TOP3A: variants seen among roughly 807,000 people sequenced by gnomAD.
The protein encoded by TOP3A is DNA topoisomerase 3-alpha.
In TOP3A, 64 loss-of-function variants were observed where a neutral mutation model predicts 111.3. The observed-to-expected ratio is 0.57, with a 90% confidence interval of 0.47 to 0.71. The LOEUF (loss-of-function observed/expected upper bound fraction) is 0.71. Among genes scored for constraint, TOP3A ranks in the 30% least tolerant of loss-of-function variants. The pLI is 0.00. For synonymous variants in TOP3A, 484 were observed against 485.1 expected (o/e 1.00, Z 0.03); for missense variants, 1,104 against 1,285.0 (o/e 0.86, Z 2.15).
At chr17:18,307,059 G>T in intron 3 of TOP3A, 93 bp from the exon 4 acceptor site, 1 of 851,784 alleles carries the variant, frequency 1.2e-6, no homozygotes, top group African/African-American at 1.7e-5. Flanking sequence ...GGTTCATGGT[G>T]TATCCCCAAA....
At position 18,305,152 on chromosome 17, in the gene TOP3A, G is replaced by A. The variant is rs761915745; in HGVS notation, c.459C>T (p.Gly153=). 3.7e-6 allele frequency: 6 copies of A among 1,613,964 alleles called. No homozygotes were observed. The highest frequency in any genetic ancestry group is 1.6e-4 in the Middle Eastern group (1 of 6,084). The change falls in exon 5 of 19, where the codon GGC becomes GGT. Residue 153 remains glycine (G), a synonymous_variant. Coordinates refer to ENST00000321105, the MANE Select transcript of TOP3A (RefSeq NM_004618.5). The part of the protein sequence containing the change: ...LVIWTDCDRE[G]ENIGFEIIHV... ...GGATAATCTCAAACCCGATGTTTTCGCCTTCTCTATCACAGTCAGTCCAGA... is the reference window on the plus strand; with the variant it reads ...GGATAATCTCAAACCCGATGTTTTCACCTTCTCTATCACAGTCAGTCCAGA...
At chr17:18,298,154 C>T (rs1367793226) in intron 9 of TOP3A, among the ~76,000 whole-genome samples, 1 of 151,554 alleles carries the variant, frequency 6.6e-6, no homozygotes, top group Non-Finnish European at 1.5e-5. Flanking sequence ...TGGCAACCAC[C>T]CCGTCTGAGA....
chr17:18,294,650 T>C (rs1980683080), intron 10 of TOP3A, 53 bp downstream of exon 10: 1 of 1,376,978 alleles, frequency 7.3e-7, no homozygotes, highest in Non-Finnish European at 1.0e-6. Context: ...TTCTCAAATA[T>C]TTCATCCTGA....
chr17:18,291,589 AAC>A (rs1214849223), intron 11 of TOP3A, among the ~76,000 whole-genome samples: 2 of 152,256 alleles, frequency 1.3e-5, no homozygotes, highest in East Asian at 3.8e-4. Flanking sequence ...TAGTATCAAA[AAC>A]ACACAAAAAA....
chr17:18,305,488 G>C (rs2061217), intron 4 of TOP3A, among the ~76,000 whole-genome samples: 1 of 141,100 alleles, frequency 7.1e-6, no homozygotes, highest in East Asian at 2.4e-4. Context: ...ACACACACAC[G>C]CGCGCGCGCG....
rs776609143 is a variant in TOP3A, at chr17:18,306,928, A to C, written c.353T>G (p.Ile118Ser). ...AAAATTCTCTGGGCAGTACTTTTCA[A>C]TTTCTGCTTCAAAGAGGACAAGAGG... The part of the protein sequence containing the change: ...CNPLVLFEAE[I>S]EKYCPENFVD... The change falls in exon 4 of 19, where the codon ATT becomes AGT. Residue 118 changes from isoleucine to serine, a missense_variant. By Grantham distance (142) the Ile-to-Ser change is moderately radical (BLOSUM62 -2). Coordinates refer to ENST00000321105, the MANE Select transcript of TOP3A (RefSeq NM_004618.5). 6.2e-7 allele frequency: 1 copy of C among 1,614,012 alleles called. No individual in the cohort carries two copies. Among genetic ancestry groups the C allele is most frequent in the Non-Finnish European group, 8.5e-7 (1 of 1,179,968 alleles).
chr17:18,314,473 C>T, intron 1 of TOP3A, 126 bp downstream of exon 1: 1 of 1,101,536 alleles, frequency 9.1e-7, no homozygotes, highest in Non-Finnish European at 1.3e-6. Context: ...ATAATCCAGA[C>T]GAGGGGCAGT....
At chr17:18,300,472 TC>T (rs747147302) in intron 8 of TOP3A, among the ~76,000 whole-genome samples, 1 of 152,022 alleles carries the variant, frequency 6.6e-6, no homozygotes, top group Non-Finnish European at 1.5e-5. Context: ...ATAGTTTACA[TC>T]ACCCACCACG....
In TOP3A at chr17:18,308,410, T is replaced by TA; in HGVS notation, c.254dup (p.Met86AsnfsTer12). On this transcript the variant is annotated frameshift_variant, in exon 3 of 19. Transcript: ENST00000321105. LOFTEE classifies it high-confidence loss of function. ...GTAAATGTCCAGAAACTGAAGTCAT[T>TA]ACCATGGTAACATTCTGAATGATGA... The TA allele has an allele frequency of 1.2e-6, 2 of 1,602,712 alleles. No individual in the cohort carries two copies. The highest frequency in any genetic ancestry group is 1.7e-6 in the Non-Finnish European group (2 of 1,173,816).
In TOP3A at chr17:18,308,327, C is replaced by T. The variant is rs777206479; in HGVS notation, c.314+24G>A. On this transcript the variant is annotated intron_variant, in intron 3 of 18. Coordinates refer to ENST00000321105, the MANE Select transcript of TOP3A (RefSeq NM_004618.5). ...TCACAACTTACTATAATCTGAAAGT[C>T]CTTCCCTTGAGAATTGTACTGACCA... is the stretch of plus-strand genomic sequence containing the variant. The T allele has an allele frequency of 7.4e-6, 11 of 1,478,904 alleles. No individual in the cohort carries two copies. The East Asian group carries it at 2.2e-4, about 29-fold the overall frequency. 91.6% of individuals were successfully genotyped at this position (1,478,904 alleles called of 1,614,324 possible). A position where few individuals can be genotyped will look rare whatever the true frequency, so the allele number is the denominator to read the frequency against.
At chr17:18,313,165 C>T (rs1982016925) in intron 1 of TOP3A, 1 of 152,388 alleles carries the variant, frequency 6.6e-6, no homozygotes, top group Non-Finnish European at 1.5e-5. Flanking sequence ...CCACAGACAC[C>T]AGAATCTACA....
At chr17:18,298,057 G>A (rs1158633298) in intron 9 of TOP3A, among the ~76,000 whole-genome samples, 34 of 150,838 alleles carry the variant, frequency 2.3e-4, no homozygotes, top group African/African-American at 7.8e-4. Context: ...GAGATGTGGG[G>A]AGCACCTCTG....
chr17:18,293,615 G>A (rs1980614617), intron 10 of TOP3A, among the ~76,000 whole-genome samples: 2 of 144,710 alleles, frequency 1.4e-5, no homozygotes, highest in African/African-American at 5.2e-5. Flanking sequence ...TTCCCCCCAA[G>A]AGACGGAGTC....
In TOP3A at chr17:18,285,167, T is replaced by C; in HGVS notation, c.1852A>G (p.Ile618Val). The C allele has an allele frequency of 6.2e-7, 1 of 1,614,194 alleles. No homozygotes were observed. Among genetic ancestry groups the C allele is most frequent in the Non-Finnish European group, 8.5e-7 (1 of 1,180,040 alleles). Residue 618 changes from isoleucine (I) to valine (V), a missense_variant, in exon 15 of 19, where the codon ATT (isoleucine) becomes GTT (valine). Coordinates refer to ENST00000321105, the MANE Select transcript of TOP3A (RefSeq NM_004618.5). The stretch of plus-strand genomic sequence containing the variant: ...TTCTTTGCTTTAGCCACCGCTTCAA[T>C]GAAAACCTGCTTGTATTTCTGCACT... The part of the protein sequence containing the change: ...QQVQKYKQVF[I>V]EAVAKAKKLD...
intron 16 of TOP3A, among the ~76,000 whole-genome samples, chr17:18,281,965 C>G (rs1301924560): frequency 6.6e-6 from 1 of 152,160 alleles, no homozygotes; most frequent in African/African-American, 2.4e-5. Context: ...TGAGGTAATG[C>G]TTACAGAGCA....
At chr17:18,300,393 G>C (rs554853112) in intron 8 of TOP3A, among the ~76,000 whole-genome samples, 2 of 151,538 alleles carry the variant, frequency 1.3e-5, no homozygotes, top group Admixed American at 1.3e-4. Flanking sequence ...ACTTTGTCTC[G>C]GGGGAGAAAA....
chr17:18,314,596 TA>T lies in TOP3A; in HGVS notation c.180+2del. The T allele has an allele frequency of 6.2e-7, 1 of 1,608,624 alleles. No homozygotes were observed. The highest frequency in any genetic ancestry group is 8.5e-7 in the Non-Finnish European group (1 of 1,176,658). On this transcript the variant is annotated splice_donor_variant, in intron 1 of 18. Transcript: ENST00000321105. LOFTEE classifies it high-confidence loss of function. ...CGCAGCTGATCGGAACGCGCTTTCT[TA>T]CCCGCCTCATGCGACCGTTTGACAG...
Position 18,280,635 on chromosome 17 carries a change from A to G in TOP3A, c.2045T>C (p.Phe682Ser), listed in dbSNP as rs1280888744. The change falls in exon 17 of 19, where the codon TTC becomes TCC. Residue 682 changes from phenylalanine (F) to serine (S), a missense_variant. Physicochemically the swap from Phe to Ser is radical, Grantham distance 155 (BLOSUM62 -2). Transcript: ENST00000321105. ...NGGFYLSCMGFPECRSAVWLP... is the reference protein window; with the variant it reads ...NGGFYLSCMGSPECRSAVWLP... ...CCACACAGCTGAGCGACACTCTGGGAAACCCATGCAGCTGAGGTAGAACCT... is the reference window on the plus strand; with the variant it reads ...CCACACAGCTGAGCGACACTCTGGGGAACCCATGCAGCTGAGGTAGAACCT... The G allele has an allele frequency of 6.2e-7, 1 of 1,614,144 alleles. No individual in the cohort carries two copies. The highest frequency in any genetic ancestry group is 2.2e-5 in the East Asian group (1 of 44,886).
chr17:18,286,347 C>CA (rs57468944), intron 13 of TOP3A, among the ~76,000 whole-genome samples: 3,759 of 118,458 alleles, frequency 0.032, 67 homozygotes, highest in African/African-American at 0.059. Flanking sequence ...ACTAAAAATA[C>CA]AAAAAAAAAA....
Sources: allele counts gnomAD v4.1 joint callset (sites outside exome capture counted in the v4.1 genomes callset), GRCh38; gene constraint gnomAD v4.1.1; transcripts MANE v1.5; gene names NCBI Gene and HGNC (gene_info 2026-07-23, HGNC 2026-07-21).